ZFYVE21: variants seen among roughly 807,000 people sequenced by gnomAD.
ZFYVE21 encodes zinc finger FYVE domain-containing protein 21.
ZFYVE21 carries 21 observed loss-of-function variants against 29.5 expected under a neutral mutation model. The observed-to-expected ratio is 0.71, with a 90% CI of 0.50 to 1.02. ZFYVE21 has a LOEUF of 1.02. ZFYVE21 is among the 50% of genes least tolerant of loss of function. The pLI, the probability that ZFYVE21 is intolerant of heterozygous loss-of-function variation, is 0.00. For synonymous variants in ZFYVE21, 151 were observed against 133.8 expected, an observed-to-expected ratio of 1.13 and a Z score of -0.89; for missense variants, 326 against 335.4, an observed-to-expected ratio of 0.97 and a Z score of 0.22.
chr14:103,721,655 T>C (rs2083873714), intron 1 of ZFYVE21, among the ~76,000 whole-genome samples: 1 of 152,242 alleles, frequency 6.6e-6, no homozygotes, highest in South Asian at 2.1e-4. Context: ...ATGGGTGTTA[T>C]TAGGGGCACT....
At chr14:103,726,951 T>TTTTTTTTTTTG in intron 2 of ZFYVE21, 109 bp downstream of exon 2, 1 of 1,180,196 alleles carries the variant, frequency 8.5e-7, no homozygotes, top group Non-Finnish European at 1.2e-6. Context: ...ATGGCTCGTT[T>TTTTTTTTTTTG]TTTTTTTTTT....
intron 1 of ZFYVE21, among the ~76,000 whole-genome samples, chr14:103,723,954 G>A (rs1010833515): frequency 1.9e-4 from 29 of 152,316 alleles, no homozygotes; most frequent in Admixed American, 7.8e-4. Flanking sequence ...TGAGGGTGGC[G>A]GCTGTGATGG....
At position 103,729,125 on chromosome 14, in the gene ZFYVE21, A is replaced by G. The variant is rs1162093193; in HGVS notation, c.469A>G (p.Ile157Val). The G allele has an allele frequency of 1.9e-6, 3 of 1,614,058 alleles. No homozygotes were observed. The highest frequency in any genetic ancestry group is 2.5e-6 in the Non-Finnish European group (3 of 1,180,030). The change falls in exon 5 of 7, where the codon ATC (isoleucine) becomes GTC (valine). Residue 157 changes from isoleucine (I) to valine (V), a missense_variant. Transcript: ENST00000311141. ...TCTGGATGGAGACAGCCACTATGAA[A>G]TCGAAATTGTACACATTTCCACCGT... ...LFLDGDSHYE[I>V]EIVHISTVQI...
At chr14:103,728,707 C>G (rs1303770205) in intron 3 of ZFYVE21, 8 of 581,628 alleles carry the variant, frequency 1.4e-5, no homozygotes, top group Admixed American at 6.2e-5. Context: ...TCTAGAGCAG[C>G]GCCTTTGGGT....
intron 1 of ZFYVE21, among the ~76,000 whole-genome samples, chr14:103,717,391 T>C (rs1407603049): frequency 6.6e-6 from 1 of 152,260 alleles, no homozygotes; most frequent in African/African-American, 2.4e-5. Flanking sequence ...AAGGAGCACG[T>C]GAGAAAGTGT....
At position 103,732,665 on chromosome 14, in the gene ZFYVE21, CG is replaced by C. The variant is rs2083994238; in HGVS notation, c.576del (p.Thr193ArgfsTer4). 6.2e-7 allele frequency: 1 copy of C among 1,611,130 alleles called. No homozygotes were observed. The highest frequency in any genetic ancestry group is 8.5e-7 in the Non-Finnish European group (1 of 1,178,842). ...ATGMFLQYTV[P>X]GTEGVTQLKL... is the part of the protein sequence containing the mutation. ...GGCATGTTCCTGCAGTATACAGTGC[CG>C]GGGACGGAGGGTGTGACCCAGCTGA... On this transcript the variant is annotated frameshift_variant, in exon 6 of 7. Coordinates refer to ENST00000311141, the MANE Select transcript of ZFYVE21 (RefSeq NM_024071.4). LOFTEE classifies it high-confidence loss of function.
intron 1 of ZFYVE21, among the ~76,000 whole-genome samples, chr14:103,723,151 C>T (rs903894131): frequency 2.6e-5 from 4 of 152,190 alleles, no homozygotes; most frequent in East Asian, 3.8e-4. Context: ...AACGTGGCCT[C>T]GTGTTTGCTT....
chr14:103,722,315 A>G (rs915412940), intron 1 of ZFYVE21, among the ~76,000 whole-genome samples: 2 of 136,988 alleles, frequency 1.5e-5, no homozygotes, highest in African/African-American at 5.4e-5. Flanking sequence ...GATCACTTAT[A>G]TTTTTAAGGG....
intron 1 of ZFYVE21, among the ~76,000 whole-genome samples, chr14:103,724,338 C>T (rs2083900231): frequency 6.6e-6 from 1 of 152,254 alleles, no homozygotes; most frequent in African/African-American, 2.4e-5. Context: ...AGCAGCTTTC[C>T]CACGGAGGGG....
At chr14:103,728,197 G>A (rs1444379075) in intron 3 of ZFYVE21, 3 of 346,808 alleles carry the variant, frequency 8.7e-6, no homozygotes, top group Admixed American at 9.2e-5. Context: ...TCCTTCCCCC[G>A]GGTGGAACCC....
In ZFYVE21 at chr14:103,723,818, C is replaced by T. The variant is rs963909494; in HGVS notation, c.139-2974C>T. ...CTTGGCACCTGATGTGGACTGTCTC[C>T]GAGCCCCCTGTGGAGGGGCTGCAGG... On this transcript the variant is annotated intron_variant, in intron 1 of 6. Transcript: ENST00000311141. Among the ~76,000 whole-genome samples the T allele has an allele frequency of 1.3e-4, 20 of 152,222 alleles. 1 individual carries two copies. Among genetic ancestry groups the T allele is most frequent in the Admixed American group, 7.2e-4 (11 of 15,284 alleles).
chr14:103,719,205 G>T (rs2083852838), intron 1 of ZFYVE21, among the ~76,000 whole-genome samples: 2 of 152,188 alleles, frequency 1.3e-5, no homozygotes, highest in Admixed American at 6.5e-5. Flanking sequence ...TTGAACCCAG[G>T]AAGTGGAGGT....
At chr14:103,728,453 G>A (rs1260131303) in intron 3 of ZFYVE21, among the ~76,000 whole-genome samples, 2 of 152,152 alleles carry the variant, frequency 1.3e-5, no homozygotes, top group Non-Finnish European at 2.9e-5. Context: ...TGCCCGCCGT[G>A]GGGTCTGGGA....
intron 1 of ZFYVE21, among the ~76,000 whole-genome samples, chr14:103,719,789 C>T (rs1043908166): frequency 1.8e-4 from 27 of 152,066 alleles, no homozygotes; most frequent in Non-Finnish European, 3.5e-4. Flanking sequence ...GGGACACCAG[C>T]GAGCTCCTCA....
chr14:103,732,780 AG>A lies in ZFYVE21; in HGVS notation c.669+21del, dbSNP rs2083996695. On this transcript the variant is annotated intron_variant, in intron 6 of 6. Coordinates refer to ENST00000311141, the MANE Select transcript of ZFYVE21 (RefSeq NM_024071.4). Reference sequence around the variant, plus strand: ...TGCACAAGGTACCTGAGCCCAGGCCAGGGAGGCTGGGCCCTTTGGCTTAGAC... The same window carrying A: ...TGCACAAGGTACCTGAGCCCAGGCCAGGAGGCTGGGCCCTTTGGCTTAGAC... The A allele has an allele frequency of 6.2e-7, 1 of 1,609,478 alleles. No individual in the cohort carries two copies. Among genetic ancestry groups the A allele is most frequent in the Admixed American group, 1.7e-5 (1 of 58,554 alleles).
In ZFYVE21 at chr14:103,732,624, C is replaced by T. The variant is rs371760587; in HGVS notation, c.531C>T (p.Gly177=). The change falls in exon 6 of 7, where the codon GGC becomes GGT. Residue 177 remains glycine (G), a synonymous_variant. Coordinates refer to ENST00000311141, the MANE Select transcript of ZFYVE21 (RefSeq NM_024071.4). ...TACCTCGTCTCTCTCCTCCAGGAGGCAACGCACGGGCCACAGGCATGTTCC... is the reference window on the plus strand; with the variant it reads ...TACCTCGTCTCTCTCCTCCAGGAGGTAACGCACGGGCCACAGGCATGTTCC... The part of the protein sequence containing the change: ...ILTEGFPPGG[G]NARATGMFLQ... 8 of 1,571,618 alleles carry T rather than the reference C, an allele frequency of 5.1e-6. No individual in the cohort carries two copies. The highest frequency in any genetic ancestry group is 2.0e-5 in the Admixed American group (1 of 49,546).
At chr14:103,726,620 C>T in intron 1 of ZFYVE21, 172 bp from the exon 2 acceptor site, 1 of 787,358 alleles carries the variant, frequency 1.3e-6, no homozygotes, top group Non-Finnish European at 2.1e-6. Flanking sequence ...GGCTCTGGAG[C>T]CTGGGCACAG....
At chr14:103,723,260 G>C (rs1595689552) in intron 1 of ZFYVE21, among the ~76,000 whole-genome samples, 1 of 152,242 alleles carries the variant, frequency 6.6e-6, no homozygotes, top group South Asian at 2.1e-4. Flanking sequence ...CCACCACACA[G>C]AGGCAGGGAC....
intron 1 of ZFYVE21, among the ~76,000 whole-genome samples, chr14:103,723,152 G>A (rs2083888422): frequency 2.0e-5 from 3 of 152,204 alleles, no homozygotes; most frequent in Admixed American, 2.0e-4. Flanking sequence ...ACGTGGCCTC[G>A]TGTTTGCTTA....
Sources: allele counts gnomAD v4.1 joint callset (sites outside exome capture counted in the v4.1 genomes callset), GRCh38; gene constraint gnomAD v4.1.1; transcripts MANE v1.5; gene names NCBI Gene and HGNC (gene_info 2026-07-23, HGNC 2026-07-21).